SGSM1: variants seen among roughly 807,000 people sequenced by gnomAD.
The protein encoded by SGSM1 is small G protein signaling modulator 1, also known as RUN and TBC1 domain containing 2.
A neutral mutation model predicts 133.8 loss-of-function variants in SGSM1; 73 were observed. That is an observed-to-expected ratio of 0.55 (90% confidence interval 0.45 to 0.66). The LOEUF (loss-of-function observed/expected upper bound fraction) is 0.66, where lower values mean the gene tolerates loss of function less well. Among genes scored for constraint, SGSM1 ranks in the 30% least tolerant of loss-of-function variants. SGSM1 has a pLI of 0.00. For missense variants in SGSM1, 1,213 were observed against 1,448.1 expected (o/e 0.84, Z 2.64); for synonymous variants, 563 against 573.0 (o/e 0.98, Z 0.25).
Position 24,912,838 on chromosome 22 carries a change from C to T in SGSM1, c.2928+86C>T, listed in dbSNP as rs59385023. On this transcript the variant is annotated intron_variant, in intron 22 of 24. Coordinates refer to ENST00000400358, the MANE Select transcript of SGSM1 (RefSeq NM_001098497.3). Reference sequence around the variant, plus strand: ...TGGCTCCAGACTGAGCTATTTAGAGCCCACCTGGATTGGAATCCAGGTTTG... The same window carrying T: ...TGGCTCCAGACTGAGCTATTTAGAGTCCACCTGGATTGGAATCCAGGTTTG... The T allele has an allele frequency of 6.8e-3, 5,783 of 856,390 alleles. 213 individuals carry two copies. In the African/African-American group the frequency reaches 0.084, roughly 13 times the overall value. The allele number at this position is 856,390 out of a possible 1,614,324, so 53.0% of individuals were successfully genotyped here. A position where few individuals can be genotyped will look rare whatever the true frequency, so the allele number is the denominator to read the frequency against.
intron 3 of SGSM1, among the ~76,000 whole-genome samples, chr22:24,845,995 TTCTTTC>T (rs1421589947): frequency 6.9e-6 from 1 of 145,242 alleles, no homozygotes; most frequent in African/African-American, 2.5e-5. Context: ...CTTTCTTTCT[TTCTTTC>T]TTTCTTTCTT....
chr22:24,888,359 A>G (rs1423350095), intron 16 of SGSM1, among the ~76,000 whole-genome samples: 1 of 151,546 alleles, frequency 6.6e-6, no homozygotes, highest in Non-Finnish European at 1.5e-5. Context: ...TTTTTTTCTT[A>G]TATACAGTGT....
intron 9 of SGSM1, among the ~76,000 whole-genome samples, chr22:24,860,949 A>ATATATATATATATATATATAT (rs1569152376): frequency 1.5e-5 from 2 of 133,950 alleles, no homozygotes; most frequent in East Asian, 2.1e-4. Flanking sequence ...ATATATATAT[A>ATATATATATATATATATATAT]ATTTTGAAGC....
intron 8 of SGSM1, among the ~76,000 whole-genome samples, chr22:24,856,725 G>A (rs557269442): frequency 5.3e-5 from 8 of 151,624 alleles, no homozygotes; most frequent in South Asian, 2.1e-4. Flanking sequence ...CCCTATTGCC[G>A]CAAATCTAAG....
At chr22:24,846,427 GT>G (rs1168433917) in intron 3 of SGSM1, among the ~76,000 whole-genome samples, 2 of 151,756 alleles carry the variant, frequency 1.3e-5, no homozygotes, top group African/African-American at 4.8e-5. Flanking sequence ...TGTATTCCCA[GT>G]TTTTTATGTG....
intron 2 of SGSM1, among the ~76,000 whole-genome samples, chr22:24,834,942 G>C (rs6004306): frequency 0.24 from 36,008 of 151,720 alleles, 4,394 homozygotes; most frequent in African/African-American, 0.29. Context: ...TTGTATTCGC[G>C]TGATGTTGTG....
chr22:24,899,662 C>T (rs1933056105), intron 19 of SGSM1, among the ~76,000 whole-genome samples: 1 of 151,778 alleles, frequency 6.6e-6, no homozygotes, highest in African/African-American at 2.4e-5. Flanking sequence ...AGAAGGACTA[C>T]AGGCGCCCGC....
At chr22:24,832,825 C>T (rs1929194892) in intron 2 of SGSM1, among the ~76,000 whole-genome samples, 1 of 152,170 alleles carries the variant, frequency 6.6e-6, no homozygotes, top group African/African-American at 2.4e-5. Flanking sequence ...GACTAGTTCC[C>T]TCTGAGCTCC....
Position 24,887,107 on chromosome 22 carries a change from TTGTGTGTGTGTG to T in SGSM1, c.1770+399_1770+410del, listed in dbSNP as rs60431385. Among the ~76,000 whole-genome samples the T allele has an allele frequency of 3.4e-5, 5 of 145,316 alleles. 1 individual carries two copies. The South Asian group carries it at 6.9e-4, about 20-fold the overall frequency. On this transcript the variant is annotated intron_variant, in intron 16 of 24. Transcript: ENST00000400358. ...CTTTCCCAGTTTTACTTGTACTTAT[TTGTGTGTGTGTG>T]TGTGTGTGTGTGTGTGTGTTTTCTC...
chr22:24,859,857 G>C lies in SGSM1; in HGVS notation c.926+17G>C. The C allele has an allele frequency of 6.2e-7, 1 of 1,613,254 alleles. No homozygotes were observed. Among genetic ancestry groups the C allele is most frequent in the African/African-American group, 1.3e-5 (1 of 75,048 alleles). On this transcript the variant is annotated intron_variant, in intron 9 of 24. Coordinates refer to ENST00000400358, the MANE Select transcript of SGSM1 (RefSeq NM_001098497.3). ...TGAGAAGAGGTAGGGCACTGGGTCT[G>C]ATACGTATCCCTTGGGTCCCTCCAC...
intron 16 of SGSM1, among the ~76,000 whole-genome samples, chr22:24,891,161 C>G (rs1333844416): frequency 6.6e-6 from 1 of 152,166 alleles, no homozygotes; most frequent in Non-Finnish European, 1.5e-5. Context: ...GAGTTCAAGA[C>G]CAGCCTGAGC....
intron 2 of SGSM1, among the ~76,000 whole-genome samples, chr22:24,812,318 A>G (rs1327177686): frequency 6.6e-6 from 1 of 152,238 alleles, no homozygotes; most frequent in Non-Finnish European, 1.5e-5. Context: ...GCCCTAAGGG[A>G]GAGAACCATC....
chr22:24,838,820 A>G (rs1442978907), intron 2 of SGSM1, among the ~76,000 whole-genome samples: 1 of 151,850 alleles, frequency 6.6e-6, no homozygotes, highest in African/African-American at 2.4e-5. Context: ...CTCGAACTTC[A>G]TTCTTCTTGT....
Position 24,905,133 on chromosome 22 carries a change from T to C in SGSM1, c.2764T>C (p.Tyr922His). 6.2e-7 allele frequency: 1 copy of C among 1,614,030 alleles called. No homozygotes were observed. Among genetic ancestry groups the C allele is most frequent in the Non-Finnish European group, 8.5e-7 (1 of 1,179,898 alleles). The change falls in exon 21 of 25, where the codon TAT becomes CAT. Residue 922 changes from tyrosine to histidine, a missense_variant. Physicochemically the swap from Tyr to His is moderately conservative, Grantham distance 83. Transcript: ENST00000400358. ...CATCTGGCAGCACATTGAGATCGGCTATGTCCAGGGCATGTGTGATCTTCT... is the reference window on the plus strand; with the variant it reads ...CATCTGGCAGCACATTGAGATCGGCCATGTCCAGGGCATGTGTGATCTTCT... ...SYIWQHIEIG[Y>H]VQGMCDLLAP...
At position 24,850,315 on chromosome 22, in the gene SGSM1, GGAAGCTGCC is replaced by G. The variant is rs1569146905; in HGVS notation, c.348_356del (p.Lys117_Pro119del). 4 of 1,610,924 alleles carry G rather than the reference GGAAGCTGCC, an allele frequency of 2.5e-6. No homozygotes were observed. The highest frequency in any genetic ancestry group is 4.5e-5 in the East Asian group (2 of 44,820). On this transcript the variant is annotated inframe_deletion, in exon 5 of 25. Transcript: ENST00000400358. ...ATTCAAGGCCTCCAGGAGAATGTGCGGAAGCTGCCGAAGCTGCCCAACTTGTCCCCACTT... is the reference window on the plus strand; with the variant it reads ...ATTCAAGGCCTCCAGGAGAATGTGCGGAAGCTGCCCAACTTGTCCCCACTT...
chr22:24,872,678 C>T (rs147954846), intron 12 of SGSM1, among the ~76,000 whole-genome samples: 2,972 of 152,160 alleles, frequency 0.02, 80 homozygotes, highest in African/African-American at 0.067. Context: ...CAGCACTTTG[C>T]GGGGCCGAGG....
intron 23 of SGSM1, among the ~76,000 whole-genome samples, chr22:24,918,177 A>G (rs58170810): frequency 9.1e-4 from 139 of 152,248 alleles, no homozygotes; most frequent in African/African-American, 3.2e-3. Flanking sequence ...CCTTGTTGCT[A>G]TTGTTCAGAT....
At chr22:24,837,298 CAG>C (rs1215455563) in intron 2 of SGSM1, among the ~76,000 whole-genome samples, 1 of 151,786 alleles carries the variant, frequency 6.6e-6, no homozygotes, top group Non-Finnish European at 1.5e-5. Context: ...GCAGCTGAGG[CAG>C]AGAGAGAGAG....
intron 5 of SGSM1, among the ~76,000 whole-genome samples, chr22:24,850,864 G>A (rs564280312): frequency 6.6e-6 from 1 of 152,276 alleles, no homozygotes; most frequent in African/African-American, 2.4e-5. Flanking sequence ...TTGGGAGGCC[G>A]AGGCAGGTGG....
Sources: gnomAD v4.1 joint callset for allele counts (sites outside exome capture counted in the v4.1 genomes callset) on GRCh38, gnomAD v4.1.1 for gene constraint, MANE v1.5 for transcripts, NCBI Gene and HGNC (gene_info 2026-07-23, HGNC 2026-07-21) for gene names.